VEPH1: variants seen among roughly 807,000 people sequenced by gnomAD.
The protein encoded by VEPH1 is ventricular zone-expressed PH domain-containing protein homolog 1.
In VEPH1, 80 loss-of-function variants were observed where a neutral mutation model predicts 85.2. The ratio of observed to expected loss-of-function variants is 0.94; its 90% confidence interval spans 0.78 to 1.13. The LOEUF (loss-of-function observed/expected upper bound fraction) is 1.13. Ranked by LOEUF, VEPH1 falls within the 50% of genes most tolerant of loss-of-function variation. The pLI is 0.00. For missense variants in VEPH1, 955 were observed against 980.5 expected, an observed-to-expected ratio of 0.97 and a Z score of 0.35; for synonymous variants, 297 against 348.0, an observed-to-expected ratio of 0.85 and a Z score of 1.63.
rs188909298 is a variant in VEPH1 at position 157,273,078 on chromosome 3, C to T, written c.2129-7416G>A. ...AGAGAAAAATCCTTTTATCTCCTGG[C>T]GGTGGAATTGACTAGAAATGAATAA... On this transcript the variant is annotated intron_variant, in intron 12 of 13. Transcript: ENST00000362010. 2.0e-3 allele frequency among the ~76,000 whole-genome samples: 311 copies of T among 152,216 alleles called. 3 individuals are homozygous for T. The highest frequency in any genetic ancestry group is 0.017 in the Middle Eastern group (5 of 294).
At chr3:157,304,891 T>C (rs1239308090) in intron 11 of VEPH1, among the ~76,000 whole-genome samples, 2 of 152,074 alleles carry the variant, frequency 1.3e-5, no homozygotes, top group Non-Finnish European at 2.9e-5. Context: ...AAAGTAATTT[T>C]GTACCCTGAA....
rs1304739734 is a variant in VEPH1, at chr3:157,351,773, G to A, written c.1735+11591C>T. On this transcript the variant is annotated intron_variant, in intron 9 of 13. Coordinates refer to ENST00000362010, the MANE Select transcript of VEPH1 (RefSeq NM_001167912.2). ...GTCCATGGACCATATTTCAAGAAGC[G>A]AGGATCTGTTGCAGCGTTTTTCAAC... Among the ~76,000 whole-genome samples the A allele has an allele frequency of 2.6e-5, 4 of 152,278 alleles. No individual in the cohort carries two copies. The South Asian group carries it at 6.2e-4, about 24-fold the overall frequency.
intron 7 of VEPH1, among the ~76,000 whole-genome samples, chr3:157,375,112 C>T (rs966787049): frequency 6.6e-6 from 1 of 152,148 alleles, no homozygotes; most frequent in Admixed American, 6.5e-5. Flanking sequence ...TTTCTATTAT[C>T]CCGATGCATA....
chr3:157,407,505 C>T (rs569056512), intron 6 of VEPH1, among the ~76,000 whole-genome samples: 4 of 152,288 alleles, frequency 2.6e-5, no homozygotes, highest in Admixed American at 1.3e-4. Flanking sequence ...AATTTACATA[C>T]ACCAGTTATT....
intron 9 of VEPH1, among the ~76,000 whole-genome samples, chr3:157,355,161 T>C (rs890013416): frequency 6.6e-6 from 1 of 152,214 alleles, no homozygotes; most frequent in Non-Finnish European, 1.5e-5. Flanking sequence ...TTCCATGTGA[T>C]AGGTTCTGAC....
At chr3:157,372,843 A>G (rs1225680465) in intron 7 of VEPH1, among the ~76,000 whole-genome samples, 1 of 152,262 alleles carries the variant, frequency 6.6e-6, no homozygotes, top group Non-Finnish European at 1.5e-5. Context: ...ATATTACAGC[A>G]ATGTTAAATT....
At chr3:157,316,412 C>CGATCTGA (rs1233264596) in intron 10 of VEPH1, among the ~76,000 whole-genome samples, 3 of 151,426 alleles carry the variant, frequency 2.0e-5, no homozygotes, top group Non-Finnish European at 3.0e-5. Context: ...AGGGGTCAGA[C>CGATCTGA]GATCTGAGTT....
At chr3:157,455,312 T>C (rs969042000) in intron 4 of VEPH1, among the ~76,000 whole-genome samples, 2 of 152,156 alleles carry the variant, frequency 1.3e-5, no homozygotes, top group Non-Finnish European at 2.9e-5. Context: ...TGGTACCTCA[T>C]TGTGATTTTG....
intron 12 of VEPH1, among the ~76,000 whole-genome samples, chr3:157,273,036 C>A (rs963482238): frequency 1.3e-5 from 2 of 152,120 alleles, no homozygotes; most frequent in African/African-American, 4.8e-5. Flanking sequence ...AGGGGGAAAA[C>A]CATGGGTCTA....
At chr3:157,309,750 A>G (rs950994371) in intron 11 of VEPH1, among the ~76,000 whole-genome samples, 1 of 151,912 alleles carries the variant, frequency 6.6e-6, no homozygotes, top group Non-Finnish European at 1.5e-5. Flanking sequence ...GCAAAAGATA[A>G]TTGATTGAAT....
intron 1 of VEPH1, among the ~76,000 whole-genome samples, chr3:157,501,024 TCC>T (rs1740057957): frequency 6.6e-6 from 1 of 152,198 alleles, no homozygotes; most frequent in Non-Finnish European, 1.5e-5. Context: ...AGCAATCATA[TCC>T]TTAAGAGTAC....
At chr3:157,369,193 A>AAAAAAAAC (rs1727181604) in intron 7 of VEPH1, among the ~76,000 whole-genome samples, 1 of 140,570 alleles carries the variant, frequency 7.1e-6, no homozygotes. Flanking sequence ...AAAAAAAAAA[A>AAAAAAAAC]AAAAAAAAAA....
At chr3:157,351,750 C>T (rs1724894153) in intron 9 of VEPH1, among the ~76,000 whole-genome samples, 1 of 152,140 alleles carries the variant, frequency 6.6e-6, no homozygotes, top group Non-Finnish European at 1.5e-5. Flanking sequence ...TGTTGTTGGT[C>T]CATGGACCAT....
chr3:157,417,359 C>T (rs1732002237), intron 5 of VEPH1, among the ~76,000 whole-genome samples: 2 of 152,156 alleles, frequency 1.3e-5, no homozygotes, highest in Admixed American at 1.3e-4. Flanking sequence ...AGAGAACAAG[C>T]TGACATGGAC....
At chr3:157,492,906 T>C (rs1270024625) in intron 2 of VEPH1, among the ~76,000 whole-genome samples, 5 of 152,148 alleles carry the variant, frequency 3.3e-5, no homozygotes, top group Non-Finnish European at 7.4e-5. Context: ...GCAGCTACAA[T>C]GATAGAGAGG....
chr3:157,322,002 G>A (rs7631556), intron 9 of VEPH1, among the ~76,000 whole-genome samples: 105,225 of 151,918 alleles, frequency 0.69, 36,666 homozygotes, highest in East Asian at 0.78. Flanking sequence ...TGCACAATTC[G>A]CTGGCATTAA....
intron 4 of VEPH1, chr3:157,459,600 AT>A (rs1735650379): frequency 8.3e-7 from 1 of 1,200,666 alleles, no homozygotes; most frequent in East Asian, 4.1e-5. Flanking sequence ...ACCAAAGAAA[AT>A]AAAAGAAGAC....
chr3:157,312,513 G>C (rs1337948092), intron 11 of VEPH1, among the ~76,000 whole-genome samples: 1 of 152,080 alleles, frequency 6.6e-6, no homozygotes, highest in Non-Finnish European at 1.5e-5. Context: ...CATATAAACA[G>C]CTTGGATTTG....
chr3:157,306,467 AT>A (rs1719520816), intron 11 of VEPH1, among the ~76,000 whole-genome samples: 1 of 152,134 alleles, frequency 6.6e-6, no homozygotes, highest in Non-Finnish European at 1.5e-5. Context: ...TTCAAGATTT[AT>A]CCCATGCTAT....
Sources: gnomAD v4.1 joint callset for allele counts (sites outside exome capture counted in the v4.1 genomes callset) on GRCh38, gnomAD v4.1.1 for gene constraint, MANE v1.5 for transcripts, NCBI Gene and HGNC (gene_info 2026-07-23, HGNC 2026-07-21) for gene names.